Variants in GATAD2A observed in about 807,000 individuals in gnomAD.
GATAD2A encodes the protein GATA zinc finger domain containing 2A.
GATAD2A carries 12 observed loss-of-function variants against 68.5 expected under a neutral mutation model. The ratio of observed to expected loss-of-function variants is 0.18; its 90% confidence interval spans 0.11 to 0.28. The LOEUF is 0.28. Ranked by LOEUF, GATAD2A falls within the 10% of genes least tolerant of loss-of-function variation. The pLI is 1.00. For missense variants in GATAD2A, 755 were observed against 868.5 expected (o/e 0.87, Z 1.64); for synonymous variants, 410 against 375.3 (o/e 1.09, Z -1.07).
intron 1 of GATAD2A, among the ~76,000 whole-genome samples, chr19:19,413,454 G>A (rs2051202434): frequency 6.6e-6 from 1 of 152,142 alleles, no homozygotes; most frequent in African/African-American, 2.4e-5. Context: ...GTGTCCCTGG[G>A]TTTGCCGAGG....
In GATAD2A at chr19:19,461,794, G is replaced by C. The variant is rs1015417710; in HGVS notation, c.-6-3546G>C. ...CAGTCCGGCCTGGGGTGTTTGGAGA[G>C]AGTGAGGAGGAGGGTGAGGCTGACC... On this transcript the variant is annotated intron_variant, in intron 1 of 11. Coordinates refer to ENST00000683918, the MANE Select transcript of GATAD2A (RefSeq NM_001384528.1). Among the ~76,000 whole-genome samples the C allele has an allele frequency of 6.6e-5, 10 of 152,368 alleles. No individual in the cohort carries two copies. In the Middle Eastern group the frequency reaches 0.01, roughly 155 times the overall value.
intron 1 of GATAD2A, among the ~76,000 whole-genome samples, chr19:19,417,381 T>C (rs1432870998): frequency 1.3e-5 from 2 of 152,150 alleles, no homozygotes; most frequent in African/African-American, 4.8e-5. Context: ...CTGAAAAAGA[T>C]GGGGCATCTG....
At chr19:19,465,739 G>A in intron 2 of GATAD2A, 125 bp downstream of exon 2, 1 of 1,138,432 alleles carries the variant, frequency 8.8e-7, no homozygotes, top group Non-Finnish European at 1.2e-6. Flanking sequence ...AGGGCTGTAG[G>A]CTCAGCTCGG....
intron 11 of GATAD2A, among the ~76,000 whole-genome samples, chr19:19,504,894 C>T (rs368077680): frequency 1.3e-5 from 2 of 152,218 alleles, no homozygotes; most frequent in South Asian, 4.1e-4. Context: ...CTTCCCACCC[C>T]CCAGCCTCTC....
intron 1 of GATAD2A, among the ~76,000 whole-genome samples, chr19:19,427,069 A>G (rs1164664141): frequency 6.6e-6 from 1 of 151,682 alleles, no homozygotes; most frequent in Non-Finnish European, 1.5e-5. Context: ...TTGCACCTAT[A>G]TGAGGTTCCT....
chr19:19,484,555 CG>C (rs1191724717), intron 2 of GATAD2A, among the ~76,000 whole-genome samples: 1 of 108,524 alleles, frequency 9.2e-6, no homozygotes, highest in African/African-American at 3.6e-5. Flanking sequence ...TTTTTTGAGA[CG>C]GAGTCTGGCT....
rs372107712 is a variant in GATAD2A at position 19,502,314 on chromosome 19, C to A, written c.1579-17C>A. 5 of 1,587,392 alleles carry A rather than the reference C, an allele frequency of 3.1e-6. No homozygotes were observed. Among genetic ancestry groups the A allele is most frequent in the Non-Finnish European group, 4.3e-6 (5 of 1,160,394 alleles). On this transcript the variant is annotated splice_polypyrimidine_tract_variant and intron_variant, in intron 10 of 11. Transcript: ENST00000683918. Reference sequence around the variant, plus strand: ...CTTTTCCCTGCATGAGCCGTCACCCCCCTTTCTCCACTGCAGGCCTCCAGC... The same window carrying A: ...CTTTTCCCTGCATGAGCCGTCACCCACCTTTCTCCACTGCAGGCCTCCAGC...
At chr19:19,485,118 G>A (rs952297942) in intron 2 of GATAD2A, among the ~76,000 whole-genome samples, 1 of 152,180 alleles carries the variant, frequency 6.6e-6, no homozygotes, top group African/African-American at 2.4e-5. Context: ...CCTCTGTCAG[G>A]GGGTGCTTTA....
intron 1 of GATAD2A, among the ~76,000 whole-genome samples, chr19:19,431,335 A>G (rs368874741): frequency 7.1e-4 from 107 of 151,038 alleles, no homozygotes; most frequent in African/African-American, 2.5e-3. Context: ...GGGCTCCTGC[A>G]GTGGGCTCCT....
chr19:19,435,595 A>T (rs2054246095), intron 1 of GATAD2A, among the ~76,000 whole-genome samples: 1 of 152,158 alleles, frequency 6.6e-6, no homozygotes, highest in African/African-American at 2.4e-5. Context: ...CATGCCTGTA[A>T]TCCTAGCACT....
rs140794575 is a variant in GATAD2A, at chr19:19,430,976, G to GGGGTGTGT, written c.-7+24958_-7+24959insGGTGTGTG. Among the ~76,000 whole-genome samples, 74 of 136,778 alleles carry GGGGTGTGT rather than the reference G, an allele frequency of 5.4e-4. 2 individuals carry two copies. Among genetic ancestry groups the GGGGTGTGT allele is most frequent in the African/African-American group, 1.8e-3 (63 of 35,678 alleles). 89.7% of individuals were successfully genotyped at this position (136,778 alleles called of 152,430 possible). On this transcript the variant is annotated intron_variant, in intron 1 of 11. Coordinates refer to ENST00000683918, the MANE Select transcript of GATAD2A (RefSeq NM_001384528.1). ...GTGTTTGGGTGGGTTGTATGGTAGGGGTGTGTGTGTGTGTGTGTGTGTGTG... is the reference window on the plus strand; with the variant it reads ...GTGTTTGGGTGGGTTGTATGGTAGGGGGGTGTGTGTGTGTGTGTGTGTGTGTGTGTGTG...
chr19:19,457,274 G>A, intron 1 of GATAD2A: 1 of 983,430 alleles, frequency 1.0e-6, no homozygotes. Flanking sequence ...TCTGGCTGCA[G>A]GTTCTTCCCA....
At chr19:19,448,841 T>G (rs1772453018) in intron 1 of GATAD2A, among the ~76,000 whole-genome samples, 1 of 152,134 alleles carries the variant, frequency 6.6e-6, no homozygotes, top group South Asian at 2.1e-4. Flanking sequence ...TCAGTTTAGG[T>G]GTGCTTTTTC....
At chr19:19,392,998 T>A (rs77171495) in intron 1 of GATAD2A, among the ~76,000 whole-genome samples, 11,564 of 152,156 alleles carry the variant, frequency 0.076, 1,504 homozygotes, top group African/African-American at 0.26. Flanking sequence ...CCTGGCCAGT[T>A]TATTCTTTTA....
At chr19:19,434,906 G>A (rs1162544503) in intron 1 of GATAD2A, among the ~76,000 whole-genome samples, 1 of 152,142 alleles carries the variant, frequency 6.6e-6, no homozygotes, top group Non-Finnish European at 1.5e-5. Context: ...GGTGAAGTCC[G>A]CTCATTCCCA....
At chr19:19,466,473 G>A in intron 2 of GATAD2A, among the ~76,000 whole-genome samples, 1 of 152,220 alleles carries the variant, frequency 6.6e-6, no homozygotes, top group East Asian at 1.9e-4. Context: ...TCCCTGTGGA[G>A]GGCCTGTCTC....
At chr19:19,417,067 CTT>C (rs1202290493) in intron 1 of GATAD2A, among the ~76,000 whole-genome samples, 1 of 152,152 alleles carries the variant, frequency 6.6e-6, no homozygotes, top group African/African-American at 2.4e-5. Flanking sequence ...CGGCCTAAAA[CTT>C]ATTTTTTAAA....
intron 2 of GATAD2A, among the ~76,000 whole-genome samples, chr19:19,470,756 A>T (rs1197243017): frequency 4.0e-5 from 6 of 151,422 alleles, no homozygotes; most frequent in Admixed American, 3.9e-4. Context: ...AAAAAACAAA[A>T]AAAAAAGGAA....
chr19:19,456,640 C>T (rs766103212), intron 1 of GATAD2A, among the ~76,000 whole-genome samples: 3 of 152,190 alleles, frequency 2.0e-5, no homozygotes, highest in Non-Finnish European at 4.4e-5. Flanking sequence ...TGCGCTACAG[C>T]AGAACTTAAC....
Sources: gnomAD v4.1 joint callset for allele counts (sites outside exome capture counted in the v4.1 genomes callset) on GRCh38, gnomAD v4.1.1 for gene constraint, MANE v1.5 for transcripts, NCBI Gene and HGNC (gene_info 2026-07-23, HGNC 2026-07-21) for gene names.